Variants in GALNT13 observed in about 807,000 individuals in gnomAD.
GALNT13 encodes UDP-GalNAc:polypeptide N-acetylgalactosaminyltransferase 13.
GALNT13 carries 28 observed loss-of-function variants against 64.2 expected under a neutral mutation model. The observed-to-expected ratio is 0.44, with a 90% CI of 0.32 to 0.60. The LOEUF (loss-of-function observed/expected upper bound fraction) is 0.60, where lower values mean the gene tolerates loss of function less well. GALNT13 is among the 20% of genes least tolerant of loss of function. GALNT13 has a pLI of 0.05. For synonymous variants in GALNT13, 214 were observed against 224.6 expected, an observed-to-expected ratio of 0.95 and a Z score of 0.42; for missense variants, 577 against 669.8, an observed-to-expected ratio of 0.86 and a Z score of 1.53.
intron 10 of GALNT13, among the ~76,000 whole-genome samples, chr2:154,406,767 A>G (rs965497390): frequency 6.6e-6 from 1 of 152,128 alleles, no homozygotes; most frequent in African/African-American, 2.4e-5. Flanking sequence ...CTAAAACATA[A>G]GCTTTATGAA....
chr2:153,417,064 A>G, the GALNT13 span, among the ~76,000 whole-genome samples: 4 of 152,190 alleles, frequency 2.6e-5, no homozygotes, highest in African/African-American at 4.8e-5. Context: ...CCTCACTGAG[A>G]ATGTCAAATT....
intron 3 of GALNT13, among the ~76,000 whole-genome samples, chr2:154,004,916 A>C (rs1696150678): frequency 1.3e-5 from 2 of 152,322 alleles, no homozygotes; most frequent in South Asian, 4.1e-4. Context: ...GTAGTCTCAG[A>C]AAATAGTATT....
the GALNT13 span, among the ~76,000 whole-genome samples, chr2:153,128,186 A>G: frequency 6.6e-6 from 1 of 152,168 alleles, no homozygotes; most frequent in Non-Finnish European, 1.5e-5. Flanking sequence ...GTAGTGTATT[A>G]GTCCCTTTTC....
At chr2:153,656,003 T>A in the GALNT13 span, among the ~76,000 whole-genome samples, 1 of 152,166 alleles carries the variant, frequency 6.6e-6, no homozygotes, top group East Asian at 1.9e-4. Flanking sequence ...TCACTTACTC[T>A]TTATCATTTG....
At chr2:153,099,012 C>T in the GALNT13 span, among the ~76,000 whole-genome samples, 1 of 152,088 alleles carries the variant, frequency 6.6e-6, no homozygotes, top group Admixed American at 6.6e-5. Context: ...GTTCGAGCTA[C>T]TCCGAGGCTG....
the GALNT13 span, among the ~76,000 whole-genome samples, chr2:153,862,261 G>A: frequency 6.6e-6 from 1 of 152,134 alleles, no homozygotes; most frequent in African/African-American, 2.4e-5. Flanking sequence ...CAGCACAAAG[G>A]TGTCAGTCAA....
At chr2:154,154,079 T>C (rs1242026007) in intron 4 of GALNT13, among the ~76,000 whole-genome samples, 1 of 152,166 alleles carries the variant, frequency 6.6e-6, no homozygotes, top group African/African-American at 2.4e-5. Flanking sequence ...TCTTGGCTGC[T>C]TCAGTGTGTT....
the GALNT13 span, among the ~76,000 whole-genome samples, chr2:153,313,356 A>G: frequency 6.6e-6 from 1 of 152,240 alleles, no homozygotes; most frequent in Admixed American, 6.5e-5. Context: ...ACCATGAAAT[A>G]CTATGTAGCC....
chr2:153,184,604 G>A, the GALNT13 span, among the ~76,000 whole-genome samples: 2 of 152,098 alleles, frequency 1.3e-5, no homozygotes, highest in South Asian at 2.1e-4. Flanking sequence ...TTGTGGGTTT[G>A]TCATATATGG....
chr2:154,375,112 C>CA (rs746841675), intron 9 of GALNT13, among the ~76,000 whole-genome samples: 1 of 152,098 alleles, frequency 6.6e-6, no homozygotes, highest in Non-Finnish European at 1.5e-5. Flanking sequence ...CTCAGCCTCC[C>CA]AAGTAGCTGG....
At chr2:153,860,921 T>C in the GALNT13 span, among the ~76,000 whole-genome samples, 1 of 152,194 alleles carries the variant, frequency 6.6e-6, no homozygotes, top group Non-Finnish European at 1.5e-5. Flanking sequence ...GCTCTCATAG[T>C]ACCAATGTTT....
At chr2:154,136,991 A>G (rs191675353) in intron 3 of GALNT13, among the ~76,000 whole-genome samples, 157 of 151,922 alleles carry the variant, frequency 1.0e-3, no homozygotes, top group African/African-American at 3.5e-3. Context: ...GAAGCATGAT[A>G]TTTTGTGAGT....
At chr2:153,445,329 T>C in the GALNT13 span, among the ~76,000 whole-genome samples, 4 of 152,256 alleles carry the variant, frequency 2.6e-5, no homozygotes, top group South Asian at 8.3e-4. Context: ...AAAAGACATA[T>C]GATAAAATTT....
intron 9 of GALNT13, among the ~76,000 whole-genome samples, chr2:154,331,241 G>C (rs115153995): frequency 2.0e-5 from 3 of 152,020 alleles, no homozygotes; most frequent in Non-Finnish European, 2.9e-5. Context: ...AAAGATTATC[G>C]TCTGAAATAA....
chr2:153,811,730 G>T, the GALNT13 span, among the ~76,000 whole-genome samples: 1 of 152,016 alleles, frequency 6.6e-6, no homozygotes, highest in South Asian at 2.1e-4. Context: ...ACCACTATTT[G>T]TTTTTTCTGT....
At chr2:154,043,317 T>G (rs1287518786) in intron 3 of GALNT13, among the ~76,000 whole-genome samples, 1 of 150,586 alleles carries the variant, frequency 6.6e-6, no homozygotes, top group Non-Finnish European at 1.5e-5. Context: ...AAAAAAAAGT[T>G]AGGGATGCAT....
the GALNT13 span, chr2:153,159,052 C>A: frequency 5.6e-6 from 1 of 178,264 alleles, no homozygotes; most frequent in South Asian, 1.3e-4. Flanking sequence ...ACAGGGCAGC[C>A]ATGTCTTGCT....
intron 7 of GALNT13, among the ~76,000 whole-genome samples, chr2:154,252,608 A>C (rs969768228): frequency 2.6e-5 from 4 of 152,150 alleles, no homozygotes; most frequent in Admixed American, 2.0e-4. Flanking sequence ...CGCCTGCCTC[A>C]GCCTCCCAAA....
chr2:153,403,852 C>T, the GALNT13 span, among the ~76,000 whole-genome samples: 3 of 152,176 alleles, frequency 2.0e-5, no homozygotes, highest in Admixed American at 2.0e-4. Context: ...GAGATGAACC[C>T]GGTACCTCAG....
Sources: gnomAD v4.1 joint callset for allele counts (sites outside exome capture counted in the v4.1 genomes callset) on GRCh38, gnomAD v4.1.1 for gene constraint, MANE v1.5 for transcripts, NCBI Gene and HGNC (gene_info 2026-07-23, HGNC 2026-07-21) for gene names.